Variants in DIAPH1 observed in about 807,000 individuals in gnomAD.
DIAPH1 encodes the protein diaphanous related formin 1, also known as protein diaphanous homolog 1.
Under a neutral mutation model 140.7 loss-of-function variants are expected in DIAPH1, and 46 were observed. The ratio of observed to expected loss-of-function variants is 0.33; its 90% CI spans 0.26 to 0.42. The LOEUF (loss-of-function observed/expected upper bound fraction) is 0.42, where lower values mean the gene tolerates loss of function less well. DIAPH1 is among the 10% of genes least tolerant of loss of function. The pLI is 1.00. For synonymous variants in DIAPH1, 565 were observed against 551.6 expected (o/e 1.02, Z -0.34); for missense variants, 1,310 against 1,558.7 (o/e 0.84, Z 2.69).
At chr5:141,550,838 A>G (rs998009782) in intron 18 of DIAPH1, among the ~76,000 whole-genome samples, 16 of 152,130 alleles carry the variant, frequency 1.1e-4, no homozygotes, top group African/African-American at 3.9e-4. Context: ...GCTCTCCTGG[A>G]CCTCAATTAT....
intron 1 of DIAPH1, among the ~76,000 whole-genome samples, chr5:141,613,761 TC>T (rs2099902211): frequency 6.6e-6 from 1 of 152,222 alleles, no homozygotes; most frequent in South Asian, 2.1e-4. Flanking sequence ...GGTTTCTTGA[TC>T]CTAAGAAACG....
rs751637635 is a variant in DIAPH1 at position 141,526,098 on chromosome 5, C to T, written c.3514G>A (p.Ala1172Thr). The T allele has an allele frequency of 1.9e-6, 3 of 1,614,132 alleles. No homozygotes were observed. The highest frequency in any genetic ancestry group is 2.2e-5 in the East Asian group (1 of 44,868). The change falls in exon 26 of 28, where the codon GCA becomes ACA. Residue 1172 changes from alanine to threonine, a missense_variant. Ala to Thr is a moderately conservative substitution (Grantham distance 58). Around this residue, in one of 3 missense-constraint regions of DIAPH1, gnomAD observed 344 missense variants for 512.2 expected, o/e 0.67. Transcript: ENST00000389054. ...MRRAKLAKEK[A>T]EKERLEKQQK... The stretch of plus-strand genomic sequence containing the variant: ...TGCTTCTCTAGCCGCTCCTTCTCTG[C>T]CTTCTCCTTGGCTAGTTTTGCTCGC...
intron 18 of DIAPH1, among the ~76,000 whole-genome samples, chr5:141,546,999 G>A (rs969188588): frequency 6.6e-6 from 1 of 152,166 alleles, no homozygotes; most frequent in Non-Finnish European, 1.5e-5. Flanking sequence ...CAAAAGGGAG[G>A]ATCATTTGCC....
chr5:141,523,405 T>C (rs2099886844), intron 27 of DIAPH1, among the ~76,000 whole-genome samples: 1 of 152,222 alleles, frequency 6.6e-6, no homozygotes, highest in Non-Finnish European at 1.5e-5. Flanking sequence ...TCTTGGCCAC[T>C]GTAAGCTTCC....
intron 19 of DIAPH1, among the ~76,000 whole-genome samples, chr5:141,532,615 T>C (rs1472448046): frequency 1.3e-5 from 2 of 152,228 alleles, no homozygotes; most frequent in Non-Finnish European, 2.9e-5. Context: ...ACCTCCATCA[T>C]AGCATTTATT....
At chr5:141,553,278 TGTC>T (rs1278213695) in intron 18 of DIAPH1, among the ~76,000 whole-genome samples, 2 of 146,764 alleles carry the variant, frequency 1.4e-5, no homozygotes, top group Admixed American at 6.8e-5. Context: ...GGTGACAGGC[TGTC>T]TTTTTTTTTT....
rs1375891439 is a variant in DIAPH1 at position 141,529,283 on chromosome 5, A to G, written c.2677-10T>C. 6.2e-7 allele frequency: 1 copy of G among 1,609,302 alleles called. No homozygotes were observed. The highest frequency in any genetic ancestry group is 8.5e-7 in the Non-Finnish European group (1 of 1,175,552). Reference sequence around the variant, plus strand: ...TTTGCTTAATGAGGTTCTGAAAGACAGAAGAGACATCTCAGCTGGAGGGGA... The same window carrying G: ...TTTGCTTAATGAGGTTCTGAAAGACGGAAGAGACATCTCAGCTGGAGGGGA... On this transcript the variant is annotated splice_polypyrimidine_tract_variant and intron_variant, in intron 20 of 27. Transcript: ENST00000389054.
intron 1 of DIAPH1, among the ~76,000 whole-genome samples, chr5:141,616,202 T>C (rs1195758617): frequency 6.6e-6 from 1 of 152,182 alleles, no homozygotes; most frequent in Admixed American, 6.5e-5. Context: ...GTCCATCTCC[T>C]TTCCACACAA....
intron 18 of DIAPH1, chr5:141,560,896 T>C (rs2099893428): frequency 2.2e-6 from 1 of 455,896 alleles, no homozygotes. Context: ...TTTTCCCTTC[T>C]TTGTTCCTGA....
chr5:141,576,479 C>T (rs916107570), intron 13 of DIAPH1, among the ~76,000 whole-genome samples, 185 bp from the exon 14 acceptor site: 1 of 152,170 alleles, frequency 6.6e-6, no homozygotes, highest in African/African-American at 2.4e-5. Context: ...GGTAAGGCCA[C>T]CATGCTGGGT....
At chr5:141,614,975 C>G (rs1195102932) in intron 1 of DIAPH1, among the ~76,000 whole-genome samples, 1 of 152,190 alleles carries the variant, frequency 6.6e-6, no homozygotes, top group Non-Finnish European at 1.5e-5. Context: ...AACTCCACTT[C>G]TTTCTGCCTG....
chr5:141,528,072 G>A (rs1298760529), intron 23 of DIAPH1, among the ~76,000 whole-genome samples: 2 of 152,140 alleles, frequency 1.3e-5, no homozygotes, highest in African/African-American at 2.4e-5. Context: ...AGAGGCGGGG[G>A]CAGAAATCTG....
At chr5:141,528,069 G>A (rs2154594985) in intron 23 of DIAPH1, among the ~76,000 whole-genome samples, 1 of 152,284 alleles carries the variant, frequency 6.6e-6, no homozygotes, top group South Asian at 2.1e-4. Context: ...TATAGAGGCG[G>A]GGGCAGAAAT....
chr5:141,569,991 T>G (rs557885778), intron 18 of DIAPH1, among the ~76,000 whole-genome samples: 50 of 152,298 alleles, frequency 3.3e-4, no homozygotes, highest in African/African-American at 1.2e-3. Context: ...AAGTTTTCTT[T>G]TTATTGGCCT....
At chr5:141,569,296 C>G (rs1055506053) in intron 18 of DIAPH1, among the ~76,000 whole-genome samples, 1 of 152,118 alleles carries the variant, frequency 6.6e-6, no homozygotes, top group African/African-American at 2.4e-5. Flanking sequence ...TATGTCACTA[C>G]TTCATCTGGA....
In DIAPH1 at chr5:141,577,404, T is replaced by C; in HGVS notation, c.1280+71A>G. The C allele has an allele frequency of 4.5e-6, 5 of 1,101,962 alleles. No homozygotes were observed. The South Asian group carries it at 6.2e-5, about 14-fold the overall frequency. 68.3% of individuals were successfully genotyped at this position (1,101,962 alleles called of 1,614,324 possible). A position where few individuals can be genotyped will look rare whatever the true frequency, so the allele number is the denominator to read the frequency against. ...TACATTTTCCTTTTACAGAACAATC[T>C]TTGAATTTAAGGAATTCACTCTCTC... On this transcript the variant is annotated intron_variant, in intron 12 of 27. Transcript: ENST00000389054.
Position 141,573,707 on chromosome 5 carries a change from GTGGCATTCCTGCTTCTCC to G in DIAPH1, c.2125_2142del (p.Gly709_Pro714del), listed in dbSNP as rs2099895539. 6.3e-7 allele frequency: 1 copy of G among 1,595,088 alleles called. No homozygotes were observed. Among genetic ancestry groups the G allele is most frequent in the African/African-American group, 1.4e-5 (1 of 73,790 alleles). On this transcript the variant is annotated inframe_deletion, in exon 16 of 28. Coordinates refer to ENST00000389054, the MANE Select transcript of DIAPH1 (RefSeq NM_005219.5). Reference sequence around the variant, plus strand: ...CCACCAGGAAGAGGGGGAGGAGGAGGTGGCATTCCTGCTTCTCCAGGCAAGGGAGGAGGTGGGGGGGGA... The same window carrying G: ...CCACCAGGAAGAGGGGGAGGAGGAGGAGGCAAGGGAGGAGGTGGGGGGGGA...
At chr5:141,539,687 C>T (rs918310205) in intron 18 of DIAPH1, among the ~76,000 whole-genome samples, 4 of 152,028 alleles carry the variant, frequency 2.6e-5, no homozygotes, top group African/African-American at 7.2e-5. Context: ...GGGAACTTGC[C>T]ATTTCATCTG....
At chr5:141,540,386 G>A (rs781275594) in intron 18 of DIAPH1, among the ~76,000 whole-genome samples, 11 of 151,846 alleles carry the variant, frequency 7.2e-5, no homozygotes, top group Non-Finnish European at 1.0e-4. Context: ...GGGTTCAAGC[G>A]ATTCTTCTGT....
Sources: gnomAD v4.1 joint callset for allele counts (sites outside exome capture counted in the v4.1 genomes callset) on GRCh38, gnomAD v4.1.1 for gene constraint, gnomAD v4.1.1 regional missense constraint, MANE v1.5 for transcripts, NCBI Gene and HGNC (gene_info 2026-07-23, HGNC 2026-07-21) for gene names.